ROBO2: variants seen among roughly 807,000 people sequenced by gnomAD.
ROBO2 encodes roundabout guidance receptor 2.
Under a neutral mutation model 160.8 loss-of-function variants are expected in ROBO2, and 53 were observed. The observed-to-expected ratio is 0.33, with a 90% confidence interval of 0.26 to 0.41. The LOEUF (loss-of-function observed/expected upper bound fraction) is 0.41, where lower values mean the gene tolerates loss of function less well. ROBO2 is among the 10% of genes least tolerant of loss of function. The pLI, the probability that ROBO2 is intolerant of heterozygous loss-of-function variation, is 1.00. For missense variants in ROBO2, 1,577 were observed against 1,722.4 expected (o/e 0.92, Z 1.49); for synonymous variants, 664 against 611.7 (o/e 1.09, Z -1.26).
At chr3:76,839,363 C>T (rs1404174583) in intron 2 of ROBO2, among the ~76,000 whole-genome samples, 1 of 152,082 alleles carries the variant, frequency 6.6e-6, no homozygotes, top group Non-Finnish European at 1.5e-5. Flanking sequence ...AGATAACTAA[C>T]AATTTATTGA....
chr3:76,802,051 A>G (rs916156371), intron 2 of ROBO2, among the ~76,000 whole-genome samples: 12 of 152,186 alleles, frequency 7.9e-5, no homozygotes, highest in African/African-American at 2.9e-4. Flanking sequence ...CCCAAAAACA[A>G]TTACAACAGT....
intron 2 of ROBO2, among the ~76,000 whole-genome samples, chr3:76,701,992 C>T (rs1453031983): frequency 2.6e-5 from 4 of 151,952 alleles, no homozygotes; most frequent in Non-Finnish European, 5.9e-5. Context: ...GAAACTTTTT[C>T]TGCACCAATA....
intron 2 of ROBO2, among the ~76,000 whole-genome samples, chr3:76,728,135 G>C (rs938080445): frequency 3.3e-5 from 5 of 151,258 alleles, no homozygotes; most frequent in African/African-American, 1.2e-4. Context: ...TTGTAGGCAC[G>C]TGCTCTTGCT....
intron 23 of ROBO2, 39 bp downstream of exon 24, chr3:77,622,471 G>T (rs1262360911): frequency 1.9e-6 from 3 of 1,561,304 alleles, no homozygotes; most frequent in Non-Finnish European, 2.6e-6. Context: ...TGACCTATTG[G>T]TAACATTAAA....
chr3:76,383,296 C>T (rs898783005), intron 2 of ROBO2, among the ~76,000 whole-genome samples: 3 of 152,088 alleles, frequency 2.0e-5, no homozygotes, highest in African/African-American at 7.2e-5. Flanking sequence ...TAAAACTATG[C>T]AATGGATGAA....
intron 2 of ROBO2, among the ~76,000 whole-genome samples, chr3:77,201,639 C>T (rs2151021813): frequency 6.6e-6 from 1 of 152,268 alleles, no homozygotes; most frequent in African/African-American, 2.4e-5. Context: ...TTTCCTTTCA[C>T]TGTATGTGAC....
At chr3:76,195,718 A>G (rs1702229330) in intron 2 of ROBO2, among the ~76,000 whole-genome samples, 1 of 152,210 alleles carries the variant, frequency 6.6e-6, no homozygotes, top group South Asian at 2.1e-4. Flanking sequence ...AAGGAGAAGA[A>G]TAAGGATTTG....
chr3:76,868,375 T>C (rs2071605857), intron 2 of ROBO2, among the ~76,000 whole-genome samples: 2 of 152,194 alleles, frequency 1.3e-5, no homozygotes, highest in South Asian at 4.1e-4. Flanking sequence ...TGATCATTGC[T>C]CCTGAATGAA....
chr3:77,218,780 C>G (rs928741030), intron 2 of ROBO2, among the ~76,000 whole-genome samples: 9 of 152,272 alleles, frequency 5.9e-5, no homozygotes, highest in Admixed American at 2.6e-4. Context: ...TTGTGACTGA[C>G]TAATGCGTCT....
chr3:77,564,663 T>A, intron 11 of ROBO2: 1 of 501,080 alleles, frequency 2.0e-6, no homozygotes, highest in Non-Finnish European at 3.6e-6. Flanking sequence ...CCTCTGTTCC[T>A]TTTACAGGTA....
intron 2 of ROBO2, among the ~76,000 whole-genome samples, chr3:76,366,002 C>T (rs887532248): frequency 1.1e-4 from 17 of 151,998 alleles, no homozygotes; most frequent in African/African-American, 3.9e-4. Context: ...CCTTCCTCTC[C>T]CTTGGTTCAT....
At chr3:76,256,507 G>T (rs1327280625) in intron 2 of ROBO2, among the ~76,000 whole-genome samples, 2 of 151,836 alleles carry the variant, frequency 1.3e-5, no homozygotes, top group Non-Finnish European at 2.9e-5. Context: ...AGAAATTCCA[G>T]ACCAGCCTGG....
chr3:76,521,753 T>C (rs1395321271), intron 2 of ROBO2, among the ~76,000 whole-genome samples: 2 of 152,176 alleles, frequency 1.3e-5, no homozygotes, highest in Non-Finnish European at 2.9e-5. Context: ...TCTGCACTTC[T>C]TTTTGGAATT....
At chr3:76,328,816 G>A (rs900673328) in intron 2 of ROBO2, among the ~76,000 whole-genome samples, 2 of 151,470 alleles carry the variant, frequency 1.3e-5, no homozygotes, top group Non-Finnish European at 2.9e-5. Flanking sequence ...CCGAGATCGC[G>A]CCACCGCACT....
intron 5 of ROBO2, among the ~76,000 whole-genome samples, chr3:77,519,540 T>A (rs2090372742): frequency 6.6e-6 from 1 of 151,322 alleles, no homozygotes; most frequent in Non-Finnish European, 1.5e-5. Context: ...CCACAGTGTC[T>A]ATTGTTTCCA....
At chr3:77,067,779 T>G (rs2067012603) in intron 1 of ROBO2, among the ~76,000 whole-genome samples, 1 of 152,176 alleles carries the variant, frequency 6.6e-6, no homozygotes, top group South Asian at 2.1e-4. Context: ...CCATGGCTGA[T>G]GTTAAAATAA....
intron 2 of ROBO2, among the ~76,000 whole-genome samples, chr3:76,282,267 C>CT (rs1460202536): frequency 6.6e-6 from 1 of 151,882 alleles, no homozygotes; most frequent in Non-Finnish European, 1.5e-5. Context: ...TGGACCTGTA[C>CT]TTTTACTCTT....
rs936392712 is a variant in ROBO2, at chr3:76,305,454, T to C, written c.109+367852T>C. Among the ~76,000 whole-genome samples the C allele has an allele frequency of 4.0e-5, 4 of 100,890 alleles. No homozygotes were observed. The East Asian group carries it at 1.4e-3, about 35-fold the overall frequency. The allele number at this position is 100,890 out of a possible 152,430, so 66.2% of individuals were successfully genotyped here. A position where few individuals can be genotyped will look rare whatever the true frequency, so the allele number is the denominator to read the frequency against. ...AGCATTTGTTCTGACTATACTTACA[T>C]AAAATGATGGCTACAAGAATCATCG... On this transcript the variant is annotated intron_variant, in intron 2 of 26. Coordinates refer to the ROBO2 transcript ENST00000487694.
chr3:76,992,368 T>TATAA (rs1195071256), intron 2 of ROBO2, among the ~76,000 whole-genome samples: 1 of 38,276 alleles, frequency 2.6e-5, no homozygotes, highest in Non-Finnish European at 4.6e-5. Flanking sequence ...TATATATATA[T>TATAA]AAATTTAGCT....
Sources: gnomAD v4.1 joint callset for allele counts (sites outside exome capture counted in the v4.1 genomes callset) on GRCh38, gnomAD v4.1.1 for gene constraint, MANE v1.5 for transcripts, NCBI Gene and HGNC (gene_info 2026-07-23, HGNC 2026-07-21) for gene names.